SUCLG2: variants seen among roughly 807,000 people sequenced by gnomAD.
SUCLG2 encodes succinate-CoA ligase GDP-forming subunit beta.
SUCLG2 carries 42 observed loss-of-function variants against 47.9 expected under a neutral mutation model. That is an observed-to-expected ratio of 0.88 (90% CI 0.69 to 1.14). The LOEUF (loss-of-function observed/expected upper bound fraction) is 1.14, where lower values mean the gene tolerates loss of function less well. Ranked by LOEUF, SUCLG2 falls within the 50% of genes most tolerant of loss-of-function variation. SUCLG2 has a pLI of 0.00. For missense variants in SUCLG2, 571 were observed against 525.9 expected (o/e 1.09, Z -0.84); for synonymous variants, 195 against 197.3 (o/e 0.99, Z 0.10).
Position 67,362,856 on chromosome 3 carries a change from A to C in SUCLG2, c.1184-2088T>G, listed in dbSNP as rs149727962. ...ACAGGAAGCCTGTAATCAGTGACTCATAGATGCAGCTATGGAGTAGTCCAG... is the reference window on the plus strand; with the variant it reads ...ACAGGAAGCCTGTAATCAGTGACTCCTAGATGCAGCTATGGAGTAGTCCAG... On this transcript the variant is annotated intron_variant, in intron 10 of 10. Coordinates refer to the SUCLG2 transcript ENST00000493112. Among the ~76,000 whole-genome samples the C allele has an allele frequency of 2.4e-3, 358 of 152,340 alleles. 1 individual carries two copies. Among genetic ancestry groups the C allele is most frequent in the South Asian group, 0.016 (78 of 4,826 alleles).
At chr3:67,627,204 A>G (rs1374513760) in intron 1 of SUCLG2, among the ~76,000 whole-genome samples, 2 of 152,136 alleles carry the variant, frequency 1.3e-5, no homozygotes, top group South Asian at 2.1e-4. Flanking sequence ...CATTAAAAAA[A>G]AAAATCTACT....
chr3:67,484,785 A>C (rs1185865433), intron 9 of SUCLG2, among the ~76,000 whole-genome samples: 1 of 152,228 alleles, frequency 6.6e-6, no homozygotes, highest in Non-Finnish European at 1.5e-5. Flanking sequence ...CCAAGGATAC[A>C]TCTGATGATG....
intron 9 of SUCLG2, among the ~76,000 whole-genome samples, chr3:67,432,693 C>A (rs1460529357): frequency 6.6e-6 from 1 of 152,188 alleles, no homozygotes; most frequent in Non-Finnish European, 1.5e-5. Flanking sequence ...AGGTTCTAAG[C>A]CTCCAGTTGT....
chr3:67,644,150 T>A (rs1375528138), intron 1 of SUCLG2, among the ~76,000 whole-genome samples: 23 of 152,212 alleles, frequency 1.5e-4, no homozygotes, highest in Non-Finnish European at 1.9e-4. Flanking sequence ...CTCAGGTGAA[T>A]GTTAACATAA....
intron 4 of SUCLG2, among the ~76,000 whole-genome samples, chr3:67,527,499 T>C (rs114816197): frequency 1.5e-3 from 225 of 150,978 alleles, no homozygotes; most frequent in Non-Finnish European, 2.5e-3. Context: ...GAAAGGTAGA[T>C]TGGCAGGAGG....
Position 67,407,772 on chromosome 3 carries a change from T to A in SUCLG2, c.1063-6921A>T, listed in dbSNP as rs192534016. Among the ~76,000 whole-genome samples, 371 of 152,268 alleles carry A rather than the reference T, an allele frequency of 2.4e-3. 1 individual carries two copies. Among genetic ancestry groups the A allele is most frequent in the African/African-American group, 6.8e-3 (281 of 41,572 alleles). On this transcript the variant is annotated intron_variant, in intron 9 of 10. Coordinates refer to ENST00000307227, the MANE Select transcript of SUCLG2 (RefSeq NM_003848.4). ...ATATTAGCCAAGATAAGGACTTTTT[T>A]AAAAAAATCACAGGTTATTTTAATT... is the stretch of plus-strand genomic sequence containing the variant.
intron 2 of SUCLG2, among the ~76,000 whole-genome samples, chr3:67,597,201 G>A (rs942407419): frequency 6.6e-6 from 1 of 152,178 alleles, no homozygotes; most frequent in African/African-American, 2.4e-5. Context: ...CTGGCAACAG[G>A]CAAAGACACC....
intron 10 of SUCLG2, among the ~76,000 whole-genome samples, chr3:67,392,875 C>T (rs1395771709): frequency 6.6e-6 from 1 of 151,848 alleles, no homozygotes; most frequent in African/African-American, 2.4e-5. Context: ...AGAATATTGT[C>T]ATGATCATAG....
intron 2 of SUCLG2, among the ~76,000 whole-genome samples, chr3:67,541,182 G>GA (rs56178220): frequency 0.024 from 3,592 of 152,078 alleles, 63 homozygotes; most frequent in Middle Eastern, 0.051. Flanking sequence ...GCCACCAAGG[G>GA]AAAAAAACTG....
chr3:67,601,482 T>C (rs997362582), intron 2 of SUCLG2, among the ~76,000 whole-genome samples: 3 of 152,164 alleles, frequency 2.0e-5, no homozygotes, highest in African/African-American at 4.8e-5. Context: ...AGGTCCTATG[T>C]CATTTACCCT....
intron 9 of SUCLG2, among the ~76,000 whole-genome samples, chr3:67,415,331 T>C (rs1210367331): frequency 6.6e-6 from 1 of 152,164 alleles, no homozygotes; most frequent in African/African-American, 2.4e-5. Context: ...TTATACAACA[T>C]GAATTTACAC....
intron 1 of SUCLG2, among the ~76,000 whole-genome samples, chr3:67,615,479 C>T (rs914672057): frequency 6.6e-6 from 1 of 152,048 alleles, no homozygotes; most frequent in Non-Finnish European, 1.5e-5. Context: ...ACTAGTACTG[C>T]TCACTTGGGA....
intron 9 of SUCLG2, among the ~76,000 whole-genome samples, chr3:67,470,774 T>C (rs1704585287): frequency 6.6e-6 from 1 of 152,250 alleles, no homozygotes; most frequent in Non-Finnish European, 1.5e-5. Context: ...CTACACAGTC[T>C]GTGCTATTTT....
chr3:67,531,548 A>G (rs1559560326), intron 2 of SUCLG2, among the ~76,000 whole-genome samples: 1 of 152,240 alleles, frequency 6.6e-6, no homozygotes, highest in Non-Finnish European at 1.5e-5. Flanking sequence ...CTCCAGTCAA[A>G]GTATTCCATG....
chr3:67,442,455 C>T (rs1448738554), intron 9 of SUCLG2, among the ~76,000 whole-genome samples: 1 of 152,216 alleles, frequency 6.6e-6, no homozygotes, highest in African/African-American at 2.4e-5. Context: ...AAATTGGAAT[C>T]TCTAAAGGTG....
chr3:67,577,678 C>T (rs1000434580), intron 2 of SUCLG2, among the ~76,000 whole-genome samples: 1 of 152,120 alleles, frequency 6.6e-6, no homozygotes, highest in African/African-American at 2.4e-5. Flanking sequence ...CTCTGTCTTC[C>T]CTGGATCCTT....
intron 2 of SUCLG2, among the ~76,000 whole-genome samples, chr3:67,558,506 T>C (rs1461804683): frequency 2.0e-5 from 3 of 152,162 alleles, no homozygotes; most frequent in African/African-American, 7.2e-5. Flanking sequence ...TACATTTGAT[T>C]CCTCACTGTT....
At chr3:67,435,927 T>C (rs1703607565) in intron 9 of SUCLG2, among the ~76,000 whole-genome samples, 1 of 152,194 alleles carries the variant, frequency 6.6e-6, no homozygotes, top group African/African-American at 2.4e-5. Flanking sequence ...GTTTGTAATA[T>C]AAGTATGTGA....
At position 67,557,605 on chromosome 3, in the gene SUCLG2, G is replaced by A. The variant is rs573277535; in HGVS notation, c.227-28419C>T. 2.0e-4 allele frequency among the ~76,000 whole-genome samples: 30 copies of A among 152,276 alleles called. No homozygotes were observed. In the South Asian group the frequency reaches 6.2e-3, roughly 32 times the overall value. Reference sequence around the variant, plus strand: ...TTATAAGGTTAGGAACCACATTAGGGAAACTGAACACAAACTAGCTGTAGT... The same window carrying A: ...TTATAAGGTTAGGAACCACATTAGGAAAACTGAACACAAACTAGCTGTAGT... On this transcript the variant is annotated intron_variant, in intron 2 of 10. Transcript: ENST00000307227.
Sources: gnomAD v4.1 joint callset for allele counts (sites outside exome capture counted in the v4.1 genomes callset) on GRCh38, gnomAD v4.1.1 for gene constraint, MANE v1.5 for transcripts, NCBI Gene and HGNC (gene_info 2026-07-23, HGNC 2026-07-21) for gene names.